CRACD: variants seen among roughly 807,000 people sequenced by gnomAD.
The protein encoded by CRACD is capping protein inhibiting regulator of actin dynamics, also known as capping protein-inhibiting regulator of actin dynamics.
CRACD carries 56 observed loss-of-function variants against 106.8 expected under a neutral mutation model. The observed-to-expected ratio is 0.52, with a 90% CI of 0.42 to 0.66. The LOEUF is 0.66. Ranked by LOEUF, CRACD falls within the 30% of genes least tolerant of loss-of-function variation. The pLI, the probability that CRACD is intolerant of heterozygous loss-of-function variation, is 0.00. For missense variants in CRACD, 1,730 were observed against 1,623.2 expected (o/e 1.07, Z -1.13); for synonymous variants, 754 against 670.8 (o/e 1.12, Z -1.92).
intron 1 of CRACD, among the ~76,000 whole-genome samples, chr4:56,101,500 C>T (rs771561578): frequency 2.6e-5 from 4 of 152,090 alleles, no homozygotes; most frequent in Non-Finnish European, 4.4e-5. Flanking sequence ...CAGTGGCTCA[C>T]GCCTATAATC....
intron 3 of CRACD, among the ~76,000 whole-genome samples, chr4:56,278,442 T>C (rs986559781): frequency 2.0e-5 from 3 of 152,158 alleles, no homozygotes; most frequent in African/African-American, 7.2e-5. Flanking sequence ...TCTGGGACAA[T>C]TGGATAGCCA....
Position 56,310,687 on chromosome 4 carries a change from C to G in CRACD, c.307C>G (p.Leu103Val), listed in dbSNP as rs1247631184. Reference protein sequence around the residue: ...ENKSSDTPSSLSPLNLPGAGS... With the variant: ...ENKSSDTPSSVSPLNLPGAGS... ...CCAGTCCAGTGATACGCCAAGTTCT[C>G]TAAGTCCTCTGAATCTCCCTGGAGC... The change falls in exon 6 of 11, where the codon CTA becomes GTA. Residue 103 changes from leucine to valine, a missense_variant. Leu to Val is a conservative substitution (Grantham distance 32, BLOSUM62 1). This residue lies in a region of CRACD where 1,620 missense variants were observed against 1,481.6 expected (regional missense o/e 1.09). Transcript: ENST00000682029. 2.5e-6 allele frequency: 4 copies of G among 1,611,826 alleles called. No homozygotes were observed. Among genetic ancestry groups the G allele is most frequent in the Non-Finnish European group, 2.5e-6 (3 of 1,178,106 alleles).
At chr4:56,087,480 C>T (rs10001537) in intron 1 of CRACD, among the ~76,000 whole-genome samples, 9,483 of 152,208 alleles carry the variant, frequency 0.062, 374 homozygotes, top group East Asian at 0.12. Context: ...CTCCTTCTTG[C>T]GGAGTCTCCT....
At chr4:56,100,309 G>A (rs899971222) in intron 1 of CRACD, among the ~76,000 whole-genome samples, 7 of 152,118 alleles carry the variant, frequency 4.6e-5, no homozygotes, top group East Asian at 3.9e-4. Flanking sequence ...AATTAATCTC[G>A]CTTGAATAGC....
In CRACD at chr4:56,327,651, C is replaced by T. The variant is rs1358880884; in HGVS notation, c.3549C>T (p.Ile1183=). ...CTTCAAAACAAAATCCAGTGGAGAT[C>T]TCCGACTCGGCTCCCCCAGCGCCGC... ...NTLPTSVTVE[I]SDSAPPAPLV... is the part of the protein sequence containing the mutation. The change falls in exon 11 of 11, where the codon ATC becomes ATT. Residue 1183 remains isoleucine (I), a synonymous_variant. Transcript: ENST00000682029. 1 of 1,613,308 alleles carries T rather than the reference C, an allele frequency of 6.2e-7. No individual in the cohort carries two copies. The highest frequency in any genetic ancestry group is 8.5e-7 in the Non-Finnish European group (1 of 1,179,610).
chr4:56,270,921 A>AACACACACAC (rs35109908), intron 2 of CRACD, among the ~76,000 whole-genome samples: 7 of 145,730 alleles, frequency 4.8e-5, no homozygotes, highest in African/African-American at 1.5e-4. Context: ...GTCTCTACTA[A>AACACACACAC]ACACACACAC....
At chr4:56,181,214 GCAAA>G in intron 2 of CRACD, among the ~76,000 whole-genome samples, 1 of 152,272 alleles carries the variant, frequency 6.6e-6, no homozygotes, top group Admixed American at 6.5e-5. Flanking sequence ...GGGTGGGAGT[GCAAA>G]TTGCAGAAGG....
chr4:56,069,070 C>G (rs1172157586), intron 1 of CRACD, among the ~76,000 whole-genome samples: 2 of 152,176 alleles, frequency 1.3e-5, no homozygotes, highest in Admixed American at 1.3e-4. Flanking sequence ...CTGCCATAAG[C>G]CAAGGAATGC....
intron 2 of CRACD, among the ~76,000 whole-genome samples, chr4:56,218,660 T>C (rs1738867072): frequency 2.7e-5 from 4 of 149,960 alleles, no homozygotes; most frequent in South Asian, 4.3e-4. Flanking sequence ...CTGGCTGGAG[T>C]GCAGTGGCAT....
In CRACD at chr4:56,315,148, T is replaced by C; in HGVS notation, c.1646T>C (p.Leu549Pro). 6.2e-7 allele frequency: 1 copy of C among 1,607,448 alleles called. No individual in the cohort carries two copies. The highest frequency in any genetic ancestry group is 1.3e-5 in the African/African-American group (1 of 74,952). ...FQVSSGGKQI[L>P]FPKVNLSPVT... ...GTGTCCTCCGGAGGGAAGCAGATTC[T>C]CTTTCCCAAAGTCAACCTGAGCCCC... The change falls in exon 8 of 11, where the codon CTC becomes CCC. Residue 549 changes from leucine to proline, a missense_variant. Physicochemically the swap from Leu to Pro is moderately conservative, Grantham distance 98. Around this residue, in one of 5 missense-constraint regions of CRACD, gnomAD observed 1,620 missense variants for 1,481.6 expected, o/e 1.09. Transcript: ENST00000682029. The surrounding 1 kb of genome is among the most constrained non-coding windows in gnomAD (Gnocchi z 4.1).
intron 2 of CRACD, among the ~76,000 whole-genome samples, chr4:56,191,927 T>G (rs1187032405): frequency 6.6e-6 from 1 of 152,160 alleles, no homozygotes; most frequent in Non-Finnish European, 1.5e-5. Context: ...CAGTCCCAGA[T>G]GTAGAGCTCT....
At chr4:56,215,659 A>G (rs1738641906) in intron 2 of CRACD, among the ~76,000 whole-genome samples, 1 of 152,228 alleles carries the variant, frequency 6.6e-6, no homozygotes, top group Non-Finnish European at 1.5e-5. Flanking sequence ...AGACAGCATA[A>G]TAGATATTTG....
chr4:56,162,527 C>A (rs6818168), intron 1 of CRACD, among the ~76,000 whole-genome samples: 8,906 of 152,220 alleles, frequency 0.059, 449 homozygotes, highest in African/African-American at 0.12. Context: ...TTTTAAATTG[C>A]ATCATTTGGA....
intron 4 of CRACD, among the ~76,000 whole-genome samples, chr4:56,299,571 G>A (rs1329046349): frequency 6.6e-6 from 1 of 152,068 alleles, no homozygotes; most frequent in Non-Finnish European, 1.5e-5. Context: ...TCAGGAGGCT[G>A]AGGTGGGAGG....
In CRACD at chr4:56,314,647, C is replaced by G; in HGVS notation, c.1145C>G (p.Pro382Arg). 1 of 1,543,106 alleles carries G rather than the reference C, an allele frequency of 6.5e-7. No individual in the cohort carries two copies. Among genetic ancestry groups the G allele is most frequent in the Non-Finnish European group, 8.7e-7 (1 of 1,143,050 alleles). The change falls in exon 8 of 11, where the codon CCG becomes CGG. Residue 382 changes from proline (P) to arginine (R), a missense_variant. By Grantham distance (103) the Pro-to-Arg change is moderately radical (BLOSUM62 -2). Transcript: ENST00000682029. This position sits in a 1 kb window ranked among gnomAD's most constrained non-coding sequence, Gnocchi z 4.4. ...LEQQEAEVQG[P>R]PEALEETGEG... ...CAGCAGGAGGCGGAGGTGCAGGGGCCGCCCGAGGCGTTGGAGGAGACTGGG... is the reference window on the plus strand; with the variant it reads ...CAGCAGGAGGCGGAGGTGCAGGGGCGGCCCGAGGCGTTGGAGGAGACTGGG...
At chr4:56,064,057 G>A (rs865898414) in intron 1 of CRACD, among the ~76,000 whole-genome samples, 1 of 152,176 alleles carries the variant, frequency 6.6e-6, no homozygotes. Flanking sequence ...ATGTGAAGTG[G>A]TGTCTCAGTT....
intron 4 of CRACD, chr4:56,301,335 A>T (rs1744355769): frequency 1.1e-6 from 1 of 924,268 alleles, no homozygotes. Context: ...ATTGATGCTT[A>T]GTAAGCAGCC....
chr4:56,158,092 G>T (rs937607611), intron 1 of CRACD, among the ~76,000 whole-genome samples: 3 of 152,178 alleles, frequency 2.0e-5, no homozygotes, highest in Non-Finnish European at 2.9e-5. Flanking sequence ...AAATACATAT[G>T]CATGGATGCA....
chr4:56,328,458 T>A lies in CRACD; in HGVS notation c.*654T>A, dbSNP rs1284832076. On this transcript the variant is annotated 3_prime_UTR_variant, in exon 11 of 11. Coordinates refer to ENST00000682029, the MANE Select transcript of CRACD (RefSeq NM_001393381.1). ...GTGGATTCATAGTGTGGGGCCCTGT[T>A]ATTCCAATACCCTCCTTAAGGACAT... 5.8e-6 allele frequency: 3 copies of A among 513,864 alleles called. No individual in the cohort carries two copies. Among genetic ancestry groups the A allele is most frequent in the Non-Finnish European group, 1.2e-5 (3 of 257,670 alleles). 31.8% of individuals were successfully genotyped at this position (513,864 alleles called of 1,614,324 possible). A position where few individuals can be genotyped will look rare whatever the true frequency, so the allele number is the denominator to read the frequency against.
Sources: allele counts gnomAD v4.1 joint callset (sites outside exome capture counted in the v4.1 genomes callset), GRCh38; gene constraint gnomAD v4.1.1; regional missense constraint gnomAD v4.1.1; non-coding constraint Gnocchi (gnomAD v3.1); transcripts MANE v1.5; gene names NCBI Gene and HGNC (gene_info 2026-07-23, HGNC 2026-07-21).